SF3A1: variants seen among roughly 807,000 people sequenced by gnomAD.
SF3A1 encodes splicing factor 3a subunit 1, also known as SAP 114.
In SF3A1, 13 loss-of-function variants were observed where a neutral mutation model predicts 89.9. The observed-to-expected ratio is 0.14, with a 90% CI of 0.09 to 0.23. SF3A1 has a LOEUF of 0.23. Ranked by LOEUF, SF3A1 falls within the 10% of genes least tolerant of loss-of-function variation. The pLI is 1.00. For synonymous variants in SF3A1, 405 were observed against 374.4 expected, an observed-to-expected ratio of 1.08 and a Z score of -0.94; for missense variants, 604 against 1,022.1, an observed-to-expected ratio of 0.59 and a Z score of 5.58.
rs781372668 is a variant in SF3A1, at chr22:30,334,663, A to G, written c.2313T>C (p.Ala771=). 5 of 1,594,248 alleles carry G rather than the reference A, an allele frequency of 3.1e-6. No individual in the cohort carries two copies. Among genetic ancestry groups the G allele is most frequent in the Non-Finnish European group, 4.3e-6 (5 of 1,173,284 alleles). The change falls in exon 16 of 16, where the codon GCT becomes GCC. Residue 771 remains alanine (A), a synonymous_variant. Transcript: ENST00000215793. ...CTGCGCCATTGGCCATGTTGTAGTA[A>G]GCCAGTGAGTTGGAATCTTTGATGA... ...GIFIKDSNSL[A]YYNMANGAVI...
chr22:30,351,080 CATT>C (rs1931578618), intron 2 of SF3A1, among the ~76,000 whole-genome samples: 1 of 152,206 alleles, frequency 6.6e-6, no homozygotes, highest in Non-Finnish European at 1.5e-5. Context: ...GTCGGGGGAT[CATT>C]AAGTCAAGAG....
intron 1 of SF3A1, 52 bp from the exon 2 acceptor site, chr22:30,353,124 G>A: frequency 6.3e-7 from 1 of 1,599,252 alleles, no homozygotes; most frequent in Non-Finnish European, 8.5e-7. Flanking sequence ...TTCAGAGCAG[G>A]TTCTCCACTG....
At chr22:30,346,705 C>T (rs1382366301) in intron 2 of SF3A1, among the ~76,000 whole-genome samples, 186 bp from the exon 3 acceptor site, 1 of 152,132 alleles carries the variant, frequency 6.6e-6, no homozygotes, top group African/African-American at 2.4e-5. Context: ...TCAGCTTGAA[C>T]CAGGCCACCT....
intron 4 of SF3A1, among the ~76,000 whole-genome samples, chr22:30,343,588 T>C (rs1157792912): frequency 6.6e-6 from 1 of 152,204 alleles, no homozygotes; most frequent in Non-Finnish European, 1.5e-5. Context: ...CAGTCTTCCA[T>C]GGCTAGAACA....
In SF3A1 at chr22:30,356,725, G is replaced by C; in HGVS notation, c.63+5C>G. The C allele has an allele frequency of 6.7e-7, 1 of 1,491,452 alleles. No homozygotes were observed. Among genetic ancestry groups the C allele is most frequent in the Non-Finnish European group, 9.0e-7 (1 of 1,116,818 alleles). 92.4% of individuals were successfully genotyped at this position (1,491,452 alleles called of 1,614,324 possible). The stretch of plus-strand genomic sequence containing the variant: ...GCTGCAGGCTGAGGGGCGGGGGAGA[G>C]GTACCTGTTTGGGCTCCGTGGGCAC... On this transcript the variant is annotated splice_donor_5th_base_variant and intron_variant, in intron 1 of 15. Transcript: ENST00000215793.
At chr22:30,346,854 T>C (rs1203809692) in intron 2 of SF3A1, among the ~76,000 whole-genome samples, 2 of 152,152 alleles carry the variant, frequency 1.3e-5, no homozygotes, top group Non-Finnish European at 2.9e-5. Context: ...GGAGAATACA[T>C]ATTACTACTT....
chr22:30,338,663 C>T, intron 11 of SF3A1, 126 bp downstream of exon 11: 1 of 1,208,302 alleles, frequency 8.3e-7, no homozygotes, highest in Non-Finnish European at 1.2e-6. Context: ...AGGGCTCTTT[C>T]TCTTTCAAAC....
intron 2 of SF3A1, among the ~76,000 whole-genome samples, chr22:30,350,415 A>C (rs5753088): frequency 2.0e-5 from 3 of 152,042 alleles, no homozygotes; most frequent in South Asian, 2.1e-4. Context: ...CCAGGAGTTC[A>C]AGGCTGCAGT....
intron 4 of SF3A1, among the ~76,000 whole-genome samples, chr22:30,344,635 G>A (rs1468685533): frequency 3.9e-5 from 6 of 152,176 alleles, no homozygotes; most frequent in African/African-American, 1.2e-4. Context: ...AACTGAAAAC[G>A]GAAATGCACT....
intron 15 of SF3A1, 88 bp from the exon 16 acceptor site, chr22:30,334,783 G>A (rs755810567): frequency 1.1e-6 from 1 of 913,056 alleles, no homozygotes; most frequent in Non-Finnish European, 1.7e-6. Context: ...TGGTCTGTTT[G>A]CGCTCTGGAC....
chr22:30,340,916 G>A, intron 7 of SF3A1, 104 bp from the exon 8 acceptor site: 1 of 732,044 alleles, frequency 1.4e-6, no homozygotes, highest in Non-Finnish European at 2.3e-6. Context: ...GCCTCTGCCA[G>A]CCAGCGTCCA....
At chr22:30,342,499 C>T in intron 5 of SF3A1, 149 bp from the exon 6 acceptor site, 1 of 842,102 alleles carries the variant, frequency 1.2e-6, no homozygotes, top group South Asian at 1.8e-5. Context: ...CACCTGGTTC[C>T]ACCCAGGTGC....
At chr22:30,350,845 A>G (rs1482232259) in intron 2 of SF3A1, among the ~76,000 whole-genome samples, 1 of 152,226 alleles carries the variant, frequency 6.6e-6, no homozygotes, top group Non-Finnish European at 1.5e-5. Flanking sequence ...AAGAGCCATT[A>G]AACATTTATC....
Position 30,339,311 on chromosome 22 carries a change from CAA to C in SF3A1, c.1376-62_1376-61del, listed in dbSNP as rs944589307. The C allele has an allele frequency of 8.4e-5, 134 of 1,600,640 alleles. 1 individual carries two copies. In the African/African-American group the frequency reaches 1.4e-3, roughly 17 times the overall value. ...AGAGAAAATAAACCAGGTGTCCTGA[CAA>C]GAGAGCAGCTTTTCTGGTGTGCAGG... is the stretch of plus-strand genomic sequence containing the variant. On this transcript the variant is annotated intron_variant, in intron 9 of 15. Transcript: ENST00000215793.
At position 30,337,170 on chromosome 22, in the gene SF3A1, A is replaced by G. The variant is rs1317767120; in HGVS notation, c.1962T>C (p.Pro654=). ...CTGGGACAGGTGCCACAGGTGGAGC[A>G]GGCACAAAGGCTGCAAAGACAAGAA... is the stretch of plus-strand genomic sequence containing the variant. The part of the protein sequence containing the change: ...PPMIVPTAFV[P]APPVAPVPAP... Residue 654 remains proline (P), a synonymous_variant, in exon 13 of 16, where the codon CCT becomes CCC. Coordinates refer to ENST00000215793, the MANE Select transcript of SF3A1 (RefSeq NM_005877.6). 1 of 1,610,228 alleles carries G rather than the reference A, an allele frequency of 6.2e-7. No homozygotes were observed. Among genetic ancestry groups the G allele is most frequent in the South Asian group, 1.1e-5 (1 of 90,632 alleles).
At chr22:30,346,808 T>C (rs1054578689) in intron 2 of SF3A1, among the ~76,000 whole-genome samples, 3 of 152,164 alleles carry the variant, frequency 2.0e-5, no homozygotes, top group Non-Finnish European at 4.4e-5. Context: ...TCATTTCTTT[T>C]AATAAAATTT....
In SF3A1 at chr22:30,335,731, T is replaced by C. The variant is rs1931045119; in HGVS notation, c.2129A>G (p.Gln710Arg). 1.2e-6 allele frequency: 2 copies of C among 1,614,042 alleles called. No homozygotes were observed. Among genetic ancestry groups the C allele is most frequent in the Non-Finnish European group, 1.7e-6 (2 of 1,179,988 alleles). ...RNKGPVSIKV[Q>R]VPNMQDKTEW... ...CGTCTTATCCTGCATGTTGGGCACC[T>C]GGACTTTGATGGACACTGGACCCTA... The change falls in exon 14 of 16, where the codon CAG (glutamine) becomes CGG (arginine). Residue 710 changes from glutamine to arginine, a missense_variant. Physicochemically the swap from Gln to Arg is conservative, Grantham distance 43. Coordinates refer to ENST00000215793, the MANE Select transcript of SF3A1 (RefSeq NM_005877.6).
chr22:30,337,995 G>A (rs1037055679), intron 11 of SF3A1, 98 bp from the exon 12 acceptor site: 22 of 858,662 alleles, frequency 2.6e-5, no homozygotes, highest in Non-Finnish European at 3.3e-5. Context: ...TGAGGATGGA[G>A]GTTAGACAAC....
intron 13 of SF3A1, among the ~76,000 whole-genome samples, chr22:30,336,339 G>A (rs1016655332): frequency 6.6e-6 from 1 of 152,120 alleles, no homozygotes; most frequent in African/African-American, 2.4e-5. Context: ...CCAACGTGGC[G>A]AAACCCCATC....
Sources: allele counts gnomAD v4.1 joint callset (sites outside exome capture counted in the v4.1 genomes callset), GRCh38; gene constraint gnomAD v4.1.1; transcripts MANE v1.5; gene names NCBI Gene and HGNC (gene_info 2026-07-23, HGNC 2026-07-21).